COL4A4: variants seen among roughly 807,000 people sequenced by gnomAD.
The protein encoded by COL4A4 is collagen type IV alpha 4 chain.
Under a neutral mutation model 192.9 loss-of-function variants are expected in COL4A4, and 105 were observed. The observed-to-expected ratio is 0.54, with a 90% CI of 0.46 to 0.64. The LOEUF (loss-of-function observed/expected upper bound fraction) is 0.64, where lower values mean the gene tolerates loss of function less well. Among genes scored for constraint, COL4A4 ranks in the 30% least tolerant of loss-of-function variants. The pLI is 0.00. For synonymous variants in COL4A4, 762 were observed against 769.9 expected (o/e 0.99, Z 0.17); for missense variants, 1,967 against 2,169.3 (o/e 0.91, Z 1.85).
Position 227,094,305 on chromosome 2 carries a change from A to G in COL4A4, c.1205-16T>C. 1 of 1,612,168 alleles carries G rather than the reference A, an allele frequency of 6.2e-7. No homozygotes were observed. The highest frequency in any genetic ancestry group is 8.5e-7 in the Non-Finnish European group (1 of 1,179,078). The stretch of plus-strand genomic sequence containing the variant: ...CCTATCATGCCTGCAAGATAAATCA[A>G]GAATGAAAATTACATATACTCTCAG... On this transcript the variant is annotated splice_polypyrimidine_tract_variant and intron_variant, in intron 19 of 47. Coordinates refer to ENST00000396625, the MANE Select transcript of COL4A4 (RefSeq NM_000092.5).
At chr2:227,047,082 T>A (rs1157582673) in intron 35 of COL4A4, among the ~76,000 whole-genome samples, 1 of 152,064 alleles carries the variant, frequency 6.6e-6, no homozygotes, top group Non-Finnish European at 1.5e-5. Context: ...AATGACAACC[T>A]GCAGCTGTAG....
intron 37 of COL4A4, among the ~76,000 whole-genome samples, chr2:227,038,375 G>T (rs1389979130): frequency 1.3e-5 from 2 of 152,178 alleles, no homozygotes; most frequent in African/African-American, 4.8e-5. Flanking sequence ...TCAGATGTTT[G>T]TAGATGTGTG....
chr2:227,008,335 C>G (rs773735826), intron 46 of COL4A4, 31 bp from the exon 47 acceptor site: 46 of 1,610,056 alleles, frequency 2.9e-5, no homozygotes, highest in Non-Finnish European at 3.8e-5. Context: ...CAGCTGGTGT[C>G]CAAGCACCCC....
intron 12 of COL4A4, among the ~76,000 whole-genome samples, chr2:227,104,414 CAA>C (rs60259710): frequency 3.1e-5 from 3 of 96,862 alleles, no homozygotes; most frequent in East Asian, 3.1e-4. Context: ...ACTAAAAATA[CAA>C]AAAAAAAAAA....
intron 20 of COL4A4, among the ~76,000 whole-genome samples, chr2:227,093,919 C>A (rs952939776): frequency 3.3e-5 from 5 of 152,176 alleles, no homozygotes; most frequent in Non-Finnish European, 7.3e-5. Context: ...CTATCATTTA[C>A]ACTGAAACTC....
intron 4 of COL4A4, among the ~76,000 whole-genome samples, chr2:227,131,665 C>T (rs2062478940): frequency 6.6e-6 from 1 of 152,190 alleles, no homozygotes; most frequent in Non-Finnish European, 1.5e-5. Flanking sequence ...AAGCCCAGAG[C>T]CTGTGACTAT....
intron 44 of COL4A4, among the ~76,000 whole-genome samples, chr2:227,015,742 T>A (rs1434049809): frequency 6.6e-6 from 1 of 152,082 alleles, no homozygotes; most frequent in African/African-American, 2.4e-5. Context: ...TATGGCACAA[T>A]CAGATAAGGC....
At chr2:227,113,340 T>C (rs1398890961) in intron 8 of COL4A4, among the ~76,000 whole-genome samples, 1 of 152,174 alleles carries the variant, frequency 6.6e-6, no homozygotes, top group Admixed American at 6.5e-5. Context: ...GGATCTTCTG[T>C]TTCCCCTTAA....
At chr2:227,050,869 C>T in intron 33 of COL4A4, 108 bp downstream of exon 33, 1 of 1,300,532 alleles carries the variant, frequency 7.7e-7, no homozygotes, top group South Asian at 1.2e-5. Context: ...TTCTAAAAGC[C>T]AGTGAAAGGG....
chr2:227,028,127 C>T, intron 41 of COL4A4, 118 bp from the exon 42 acceptor site: 1 of 766,492 alleles, frequency 1.3e-6, no homozygotes, highest in Non-Finnish European at 2.2e-6. Context: ...GCATAGCTAG[C>T]CTGAGAGTCA....
At chr2:226,999,807 G>C (rs1010232321), downstream of COL4A4, among the ~76,000 whole-genome samples, 1 of 152,170 alleles carries the variant, frequency 6.6e-6, no homozygotes, top group African/African-American at 2.4e-5. Context: ...CTTCTGCTGT[G>C]TGGCTCTCTG....
In COL4A4 at chr2:227,104,785, C is replaced by T. The variant is rs1045176205; in HGVS notation, c.736-733G>A. Among the ~76,000 whole-genome samples the T allele has an allele frequency of 2.2e-4, 33 of 150,716 alleles. 1 individual carries two copies. Among genetic ancestry groups the T allele is most frequent in the African/African-American group, 7.3e-4 (30 of 41,150 alleles). On this transcript the variant is annotated intron_variant, in intron 12 of 47. Coordinates refer to ENST00000396625, the MANE Select transcript of COL4A4 (RefSeq NM_000092.5). ...CCTCCAGAGTAGCTGGGATTACAGG[C>T]ATGCGCCACCATGCCCGGCTAATTT...
In COL4A4 at chr2:227,003,235, A is replaced by C. The variant is rs1257530769; in HGVS notation, c.*4090T>G. 7 of 152,216 alleles carry C rather than the reference A, an allele frequency of 4.6e-5. No homozygotes were observed. The highest frequency in any genetic ancestry group is 1.4e-4 in the African/African-American group (6 of 41,450). The allele number at this position is 152,216 out of a possible 1,614,324, so 9.4% of individuals were successfully genotyped here. ...CATAATTCTGTGTAAAAAAAAAGAA[A>C]TATTTTTCGTATTAGTTTATTTTAA... On this transcript the variant is annotated 3_prime_UTR_variant, in exon 48 of 48. Coordinates refer to ENST00000396625, the MANE Select transcript of COL4A4 (RefSeq NM_000092.5).
chr2:226,970,930 A>G, the COL4A4 span, among the ~76,000 whole-genome samples: 1 of 152,190 alleles, frequency 6.6e-6, no homozygotes, highest in Admixed American at 6.5e-5. Context: ...CATCATTTCA[A>G]GTGTATTAAA....
At chr2:226,993,519 C>G in the COL4A4 span, among the ~76,000 whole-genome samples, 2 of 152,234 alleles carry the variant, frequency 1.3e-5, no homozygotes, top group Non-Finnish European at 2.9e-5. Flanking sequence ...TGATTTGATT[C>G]ATGAATATGT....
At chr2:227,058,588 TA>T (rs1976093202) in intron 28 of COL4A4, among the ~76,000 whole-genome samples, 2 of 152,310 alleles carry the variant, frequency 1.3e-5, no homozygotes, top group Middle Eastern at 6.8e-3. Context: ...GGATGCCTAA[TA>T]AACACTGGCC....
chr2:227,155,527 C>T lies in COL4A4; in HGVS notation c.-101-7943G>A, dbSNP rs555158253. Among the ~76,000 whole-genome samples, 4 of 152,220 alleles carry T rather than the reference C, an allele frequency of 2.6e-5. No individual in the cohort carries two copies. In the South Asian group the frequency reaches 6.2e-4, roughly 24 times the overall value. On this transcript the variant is annotated intron_variant, in intron 1 of 47. Coordinates refer to ENST00000396625, the MANE Select transcript of COL4A4 (RefSeq NM_000092.5). ...AAGTCTCTTGCCAAAACCACTAATC[C>T]CCCACATTTGTTTTGCTTTATGATT...
intron 25 of COL4A4, among the ~76,000 whole-genome samples, chr2:227,071,073 G>A (rs905927038): frequency 2.0e-5 from 3 of 152,050 alleles, no homozygotes; most frequent in African/African-American, 7.2e-5. Context: ...CAATATTCAT[G>A]TTGAGTGTAA....
the COL4A4 span, among the ~76,000 whole-genome samples, chr2:226,977,465 C>T: frequency 3.3e-5 from 5 of 152,040 alleles, no homozygotes; most frequent in African/African-American, 1.2e-4. Context: ...ACTTAGATGT[C>T]GGTATTTTGT....
Sources: allele counts gnomAD v4.1 joint callset (sites outside exome capture counted in the v4.1 genomes callset), GRCh38; gene constraint gnomAD v4.1.1; transcripts MANE v1.5; gene names NCBI Gene and HGNC (gene_info 2026-07-23, HGNC 2026-07-21).